The following ERCC3 variants were observed in gnomAD, a reference collection of about 807,000 sequenced individuals.
ERCC3 encodes the protein general transcription and DNA repair factor IIH helicase/translocase subunit XPB.
ERCC3 carries 66 observed loss-of-function variants against 94.2 expected under a neutral mutation model. The ratio of observed to expected loss-of-function variants is 0.70; its 90% CI spans 0.57 to 0.86. ERCC3 has a LOEUF of 0.86. Among genes scored for constraint, ERCC3 ranks in the 40% least tolerant of loss-of-function variants. The probability of loss-of-function intolerance (pLI) is 0.00; values close to 1 mark genes in which losing one functional copy is unlikely to be tolerated. For missense variants in ERCC3, 829 were observed against 987.1 expected (o/e 0.84, Z 2.15); for synonymous variants, 349 against 369.1 (o/e 0.95, Z 0.63).
intron 7 of ERCC3, 55 bp from the exon 8 acceptor site, chr2:127,287,072 G>A: frequency 1.4e-6 from 2 of 1,407,518 alleles, no homozygotes; most frequent in Non-Finnish European, 1.0e-6. Context: ...TGAAGGACAG[G>A]GACAGGCAGA....
intron 12 of ERCC3, among the ~76,000 whole-genome samples, chr2:127,266,617 G>A (rs1026076061): frequency 2.0e-5 from 3 of 151,664 alleles, no homozygotes; most frequent in African/African-American, 4.8e-5. Flanking sequence ...GATTATCGGC[G>A]TAAGCCACCA....
chr2:127,292,465 G>C (rs573183999), intron 3 of ERCC3, 145 bp downstream of exon 3: 7 of 763,060 alleles, frequency 9.2e-6, no homozygotes, highest in Non-Finnish European at 1.7e-5. Context: ...AGAGTGTAGC[G>C]GCTGGGGTAA....
intron 12 of ERCC3, chr2:127,261,577 A>G (rs534022550): frequency 2.3e-5 from 12 of 527,398 alleles, no homozygotes; most frequent in African/African-American, 1.9e-4. Context: ...TGGAAAGCAT[A>G]TATCTGATAA....
intron 6 of ERCC3, among the ~76,000 whole-genome samples, 172 bp downstream of exon 6, chr2:127,289,165 C>T (rs892476369): frequency 2.0e-5 from 3 of 152,190 alleles, no homozygotes; most frequent in African/African-American, 7.2e-5. Context: ...GACTTTAACT[C>T]CATCAGGAGA....
In ERCC3 at chr2:127,257,622, G is replaced by A. The variant is rs1387571112; in HGVS notation, c.2323C>T (p.Pro775Ser). The A allele has an allele frequency of 6.2e-7, 1 of 1,613,922 alleles. No homozygotes were observed. The highest frequency in any genetic ancestry group is 1.3e-5 in the African/African-American group (1 of 74,904). The change falls in exon 15 of 15, where the codon CCG becomes TCG. Residue 775 changes from proline to serine, a missense_variant. Transcript: ENST00000285398. The surrounding 1 kb of genome is among the most constrained non-coding windows in gnomAD (Gnocchi z 5.4). The part of the protein sequence containing the change: ...RSKAPSKHVH[P>S]LFKRFRK ...CATTTCCTAAAGCGCTTGAAGAGCG[G>A]GTGTACATGTTTGCTGGGCGCCTTG...
chr2:127,289,998 T>C, intron 4 of ERCC3, 174 bp from the exon 5 acceptor site: 1 of 865,878 alleles, frequency 1.2e-6, no homozygotes, highest in Non-Finnish European at 1.8e-6. Context: ...GGGTTGTGAC[T>C]TTGAGGTCAA....
rs1201481723 is a variant in ERCC3 at position 127,259,766 on chromosome 2, G to A, written c.2065-318C>T. 1 of 394,384 alleles carries A rather than the reference G, an allele frequency of 2.5e-6. No homozygotes were observed. Among genetic ancestry groups the A allele is most frequent in the East Asian group, 5.9e-5 (1 of 16,822 alleles). The allele number at this position is 394,384 out of a possible 1,614,324, so 24.4% of individuals were successfully genotyped here. A position where few individuals can be genotyped will look rare whatever the true frequency, so the allele number is the denominator to read the frequency against. The stretch of plus-strand genomic sequence containing the variant: ...TTAGTGATTTTAAAAGGCTCCTTCG[G>A]GTAGCCTTCACATCTTGGAGCAGAC... On this transcript the variant is annotated intron_variant, in intron 13 of 14. Coordinates refer to ENST00000285398, the MANE Select transcript of ERCC3 (RefSeq NM_000122.2). The surrounding 1 kb of genome is among the most constrained non-coding windows in gnomAD (Gnocchi z 4.9).
Position 127,293,601 on chromosome 2 carries a change from G to A in ERCC3, c.146C>T (p.Ser49Leu). 6.2e-7 allele frequency: 1 copy of A among 1,614,206 alleles called. No individual in the cohort carries two copies. Among genetic ancestry groups the A allele is most frequent in the Non-Finnish European group, 8.5e-7 (1 of 1,180,034 alleles). ...TCCATATTCATCCACTTTGGTGCCT[G>A]ACTCATCCACCTGCTTCCCCGCCGC... ...PSAAGKQVDESGTKVDEYGAK... is the reference protein window; with the variant it reads ...PSAAGKQVDELGTKVDEYGAK... Residue 49 changes from serine (S) to leucine (L), a missense_variant, in exon 2 of 15, where the codon TCA becomes TTA. Transcript: ENST00000285398.
intron 12 of ERCC3, among the ~76,000 whole-genome samples, chr2:127,269,417 C>CTTTTTTTT (rs70985445): frequency 8.8e-6 from 1 of 113,556 alleles, no homozygotes; most frequent in African/African-American, 3.4e-5. Flanking sequence ...ATTCTATTCA[C>CTTTTTTTT]TTTTTTTTTT....
intron 12 of ERCC3, among the ~76,000 whole-genome samples, chr2:127,265,011 C>T (rs1265501340): frequency 6.6e-6 from 1 of 151,922 alleles, no homozygotes; most frequent in Non-Finnish European, 1.5e-5. Context: ...CCAAGCCCAC[C>T]TAGTTTTGTA....
intron 10 of ERCC3, among the ~76,000 whole-genome samples, chr2:127,276,778 A>G (rs199724025): frequency 6.7e-6 from 1 of 149,122 alleles, no homozygotes; most frequent in Non-Finnish European, 1.5e-5. Context: ...AAAGAAAAAC[A>G]TTAAGAATAT....
chr2:127,261,706 G>A (rs762554200), intron 12 of ERCC3: 5 of 321,218 alleles, frequency 1.6e-5, no homozygotes, highest in Admixed American at 4.6e-5. Flanking sequence ...AAAATAGCCA[G>A]TAAGCACATG....
At chr2:127,290,130 G>C in intron 4 of ERCC3, 94 bp downstream of exon 4, 1 of 1,032,110 alleles carries the variant, frequency 9.7e-7, no homozygotes, top group Non-Finnish European at 1.5e-6. Flanking sequence ...AGAAAAGACA[G>C]CATAAACATC....
chr2:127,262,786 T>C (rs1684235975), intron 12 of ERCC3: 1 of 152,202 alleles, frequency 6.6e-6, no homozygotes, highest in South Asian at 2.1e-4. Flanking sequence ...ATCCTTATAG[T>C]TTGAGGTCTT....
At chr2:127,275,562 C>A (rs1225996090) in intron 10 of ERCC3, among the ~76,000 whole-genome samples, 2 of 152,166 alleles carry the variant, frequency 1.3e-5, no homozygotes, top group African/African-American at 4.8e-5. Context: ...GCGGCTAAGG[C>A]ACAAGCCTCA....
In ERCC3 at chr2:127,280,567, G is replaced by T; in HGVS notation, c.1407C>A (p.Thr469=). 8 of 1,614,120 alleles carry T rather than the reference G, an allele frequency of 5.0e-6. No individual in the cohort carries two copies. The highest frequency in any genetic ancestry group is 1.1e-5 in the South Asian group (1 of 91,076). ...CAATTTTGTCATCTTCGCGGACGAG[G>T]GTCGCAGTCAAACCCAGCTTACAGT... ...QAHCKLGLTA[T]LVREDDKIVD... is the part of the protein sequence containing the mutation. The change falls in exon 9 of 15, where the codon ACC becomes ACA. Residue 469 remains threonine (T), a synonymous_variant. Coordinates refer to ENST00000285398, the MANE Select transcript of ERCC3 (RefSeq NM_000122.2). This position sits in a 1 kb window ranked among gnomAD's most constrained non-coding sequence, Gnocchi z 6.3.
intron 10 of ERCC3, among the ~76,000 whole-genome samples, chr2:127,276,899 G>C (rs948558845): frequency 6.6e-6 from 1 of 152,194 alleles, no homozygotes; most frequent in East Asian, 1.9e-4. Context: ...GCATCAGACT[G>C]CCAAACTGCT....
intron 1 of ERCC3, 154 bp downstream of exon 1, chr2:127,293,900 G>GC: frequency 6.6e-7 from 1 of 1,524,894 alleles, no homozygotes; most frequent in Non-Finnish European, 8.8e-7. Flanking sequence ...CCCAGGTCCA[G>GC]CATCTCTCCC....
At chr2:127,262,190 C>A (rs1489279577) in intron 12 of ERCC3, 2 of 152,198 alleles carry the variant, frequency 1.3e-5, no homozygotes, top group African/African-American at 4.8e-5. Context: ...TATAGATAAT[C>A]TTTTTGAAAA....
Sources: gnomAD v4.1 joint callset for allele counts (sites outside exome capture counted in the v4.1 genomes callset) on GRCh38, gnomAD v4.1.1 for gene constraint, Gnocchi (gnomAD v3.1) non-coding constraint, MANE v1.5 for transcripts, NCBI Gene and HGNC (gene_info 2026-07-23, HGNC 2026-07-21) for gene names.